The following SAMTOR variants were observed in gnomAD, a reference collection of about 807,000 sequenced individuals.
SAMTOR encodes UPF0532 protein C7orf60.
the SAMTOR span, among the ~76,000 whole-genome samples, chr7:112,869,077 C>T: frequency 2.0e-5 from 3 of 152,300 alleles, no homozygotes; most frequent in Middle Eastern, 3.4e-3. Flanking sequence ...CTGCCAAAGC[C>T]TTCCTTGGGT....
At chr7:112,839,948 G>A in the SAMTOR span, among the ~76,000 whole-genome samples, 43 of 151,786 alleles carry the variant, frequency 2.8e-4, no homozygotes, top group African/African-American at 9.9e-4. Context: ...AGCATAAATT[G>A]GATTTTTATA....
the SAMTOR span, among the ~76,000 whole-genome samples, chr7:112,852,775 T>C: frequency 4.6e-5 from 7 of 152,112 alleles, no homozygotes; most frequent in African/African-American, 1.7e-4. Context: ...CATGTTAATA[T>C]ACATCTAACA....
At chr7:112,888,739 T>A in the SAMTOR span, among the ~76,000 whole-genome samples, 2 of 152,142 alleles carry the variant, frequency 1.3e-5, no homozygotes, top group African/African-American at 4.8e-5. Context: ...ACTCTTGATA[T>A]CCGAACTTGC....
chr7:112,871,013 A>G, the SAMTOR span, among the ~76,000 whole-genome samples: 1 of 152,220 alleles, frequency 6.6e-6, no homozygotes, highest in Non-Finnish European at 1.5e-5. Context: ...CCAATGTTGG[A>G]GCATGCAGAT....
the SAMTOR span, among the ~76,000 whole-genome samples, chr7:112,901,069 T>C: frequency 6.6e-6 from 1 of 152,172 alleles, no homozygotes; most frequent in African/African-American, 2.4e-5. Context: ...TTTTTTGCTT[T>C]GTGAAAGACA....
At chr7:112,875,881 AT>A in the SAMTOR span, among the ~76,000 whole-genome samples, 2 of 152,098 alleles carry the variant, frequency 1.3e-5, no homozygotes, top group African/African-American at 4.8e-5. Context: ...CTCTCTTTCT[AT>A]TTTATCATCT....
chr7:112,823,548 C>T, the SAMTOR span, among the ~76,000 whole-genome samples: 1 of 152,074 alleles, frequency 6.6e-6, no homozygotes, highest in Non-Finnish European at 1.5e-5. Flanking sequence ...GGATGTACCA[C>T]AGTTGGTTTA....
chr7:112,844,063 T>C, the SAMTOR span, among the ~76,000 whole-genome samples: 1 of 152,108 alleles, frequency 6.6e-6, no homozygotes, highest in Non-Finnish European at 1.5e-5. Context: ...AAAAGGCTTC[T>C]GATAAAGTCC....
chr7:112,871,860 T>TTA, the SAMTOR span, among the ~76,000 whole-genome samples: 2 of 152,122 alleles, frequency 1.3e-5, no homozygotes, highest in Admixed American at 6.5e-5. Context: ...CCCTAGAGAC[T>TTA]ACTACGAACA....
chr7:112,868,522 C>T, the SAMTOR span, among the ~76,000 whole-genome samples: 3 of 152,102 alleles, frequency 2.0e-5, no homozygotes, highest in Non-Finnish European at 2.9e-5. Context: ...CCTGTTTCTC[C>T]CAAAACTGGG....
At chr7:112,868,647 A>C in the SAMTOR span, among the ~76,000 whole-genome samples, 3 of 152,220 alleles carry the variant, frequency 2.0e-5, no homozygotes, top group Admixed American at 6.5e-5. Flanking sequence ...GGCTCACACA[A>C]AGTCAGTCAC....
the SAMTOR span, among the ~76,000 whole-genome samples, chr7:112,885,410 T>C: frequency 6.6e-6 from 1 of 152,240 alleles, no homozygotes; most frequent in Non-Finnish European, 1.5e-5. Flanking sequence ...CAAACTTTTA[T>C]GCTCTGCTTC....
the SAMTOR span, among the ~76,000 whole-genome samples, chr7:112,870,654 A>G: frequency 6.6e-6 from 1 of 151,960 alleles, no homozygotes; most frequent in African/African-American, 2.4e-5. Flanking sequence ...GCAACTAATA[A>G]CACTATGAAA....
the SAMTOR span, among the ~76,000 whole-genome samples, chr7:112,896,199 G>GCGCA: frequency 1.3e-5 from 2 of 151,916 alleles, no homozygotes; most frequent in African/African-American, 4.8e-5. Flanking sequence ...GCGTGCACGC[G>GCGCA]CGCACGCGCG....
the SAMTOR span, among the ~76,000 whole-genome samples, chr7:112,869,254 G>T: frequency 5.3e-5 from 8 of 152,156 alleles, no homozygotes; most frequent in African/African-American, 1.7e-4. Flanking sequence ...TGTGGGCTGA[G>T]AGAGGTGCTG....
the SAMTOR span, among the ~76,000 whole-genome samples, chr7:112,841,579 T>A: frequency 6.6e-6 from 1 of 152,074 alleles, no homozygotes; most frequent in African/African-American, 2.4e-5. Flanking sequence ...AAAACTACTT[T>A]AAATTTCATA....
chr7:112,868,220 C>G, the SAMTOR span, among the ~76,000 whole-genome samples: 1 of 152,084 alleles, frequency 6.6e-6, no homozygotes, highest in Non-Finnish European at 1.5e-5. Context: ...TGTCTTTTTT[C>G]CCCAAAAATG....
the SAMTOR span, chr7:112,939,771 C>A: frequency 6.3e-7 from 1 of 1,574,986 alleles, no homozygotes; most frequent in African/African-American, 1.3e-5. Context: ...CCGCCGCCGC[C>A]GCCGCCCCTC....
the SAMTOR span, among the ~76,000 whole-genome samples, chr7:112,877,960 C>T: frequency 2.6e-5 from 4 of 152,260 alleles, no homozygotes; most frequent in South Asian, 6.2e-4. Context: ...GCCTGCAGAA[C>T]CATAAGCCAA....
Sources: allele counts gnomAD v4.1 joint callset (sites outside exome capture counted in the v4.1 genomes callset), GRCh38; gene constraint gnomAD v4.1.1; transcripts MANE v1.5; gene names NCBI Gene and HGNC (gene_info 2026-07-23, HGNC 2026-07-21).